PPM1B: variants seen among roughly 807,000 people sequenced by gnomAD.
PPM1B encodes the protein protein phosphatase, Mg2+/Mn2+ dependent 1B, also known as protein phosphatase 1B.
A neutral mutation model predicts 43.0 loss-of-function variants in PPM1B; 22 were observed. The observed-to-expected ratio is 0.51, with a 90% CI of 0.37 to 0.73. The LOEUF (loss-of-function observed/expected upper bound fraction) is 0.73, where lower values mean the gene tolerates loss of function less well. Among genes scored for constraint, PPM1B ranks in the 30% least tolerant of loss-of-function variants. The pLI is 0.00. For missense variants in PPM1B, 632 were observed against 584.2 expected, an observed-to-expected ratio of 1.08 and a Z score of -0.84; for synonymous variants, 217 against 197.9, an observed-to-expected ratio of 1.10 and a Z score of -0.81.
chr2:44,198,165 G>A (rs947132082), intron 1 of PPM1B, among the ~76,000 whole-genome samples: 7 of 151,880 alleles, frequency 4.6e-5, no homozygotes, highest in African/African-American at 1.7e-4. Context: ...ATGATTTTTT[G>A]TTTGTTTGTT....
chr2:44,244,535 CTCTTATGGTTAA>C, downstream of PPM1B: 3 of 366,804 alleles, frequency 8.2e-6, no homozygotes, highest in Non-Finnish European at 1.3e-5. Flanking sequence ...ATTCCAGGGA[CTCTTATGGTTAA>C]AGGCAGGCTT....
chr2:44,186,788 A>G (rs578168747), intron 1 of PPM1B, among the ~76,000 whole-genome samples: 1 of 152,348 alleles, frequency 6.6e-6, no homozygotes, highest in Admixed American at 6.5e-5. Flanking sequence ...AGTTTTGTTG[A>G]TGAGAAGTCT....
At position 44,217,996 on chromosome 2, in the gene PPM1B, A is replaced by G. The variant is rs1669801686; in HGVS notation, c.994A>G (p.Met332Val). ...EIMEKSGEEGMPDLAHVMRIL... is the reference protein window; with the variant it reads ...EIMEKSGEEGVPDLAHVMRIL... ...TATGGAGAAGTCTGGCGAGGAAGGA[A>G]TGCCTGATCTTGCCCATGTCATGCG... Residue 332 changes from methionine to valine, a missense_variant, in exon 4 of 6, where the codon ATG (methionine) becomes GTG (valine). Met to Val is a conservative substitution (Grantham distance 21, BLOSUM62 1). Coordinates refer to ENST00000282412, the MANE Select transcript of PPM1B (RefSeq NM_002706.6). 2 of 1,606,300 alleles carry G rather than the reference A, an allele frequency of 1.2e-6. No homozygotes were observed. Among genetic ancestry groups the G allele is most frequent in the Non-Finnish European group, 1.7e-6 (2 of 1,177,812 alleles).
intron 1 of PPM1B, among the ~76,000 whole-genome samples, chr2:44,197,502 C>CTA (rs1021534376): frequency 8.5e-5 from 13 of 152,136 alleles, no homozygotes; most frequent in Non-Finnish European, 1.5e-4. Context: ...TAACTAAACT[C>CTA]TAGTCTTTGG....
intron 3 of PPM1B, among the ~76,000 whole-genome samples, chr2:44,215,700 C>T (rs1669688558): frequency 6.6e-6 from 1 of 152,100 alleles, no homozygotes; most frequent in Non-Finnish European, 1.5e-5. Context: ...TTAATGATTG[C>T]TTTCTACATA....
At chr2:44,223,814 TAAAAAAAAAAAAA>T (rs58530902) in intron 5 of PPM1B, among the ~76,000 whole-genome samples, 96 of 36,058 alleles carry the variant, frequency 2.7e-3, no homozygotes, top group African/African-American at 8.0e-3. Flanking sequence ...GGACTCTGTC[TAAAAAAAAAAAAA>T]AAAAAAAAAA....
chr2:44,220,430 C>T lies in PPM1B; in HGVS notation c.1134+1893C>T, dbSNP rs116480132. Among the ~76,000 whole-genome samples, 1,090 of 151,950 alleles carry T rather than the reference C, an allele frequency of 7.2e-3. 10 individuals carry two copies. The highest frequency in any genetic ancestry group is 0.012 in the Non-Finnish European group (820 of 67,960). On this transcript the variant is annotated intron_variant, in intron 5 of 5. Coordinates refer to ENST00000282412, the MANE Select transcript of PPM1B (RefSeq NM_002706.6). ...ACATAAACAGGGAATAAATAGGCAA[C>T]GGAACTATGAAACTGGGGGGAAATG...
chr2:44,176,504 G>A (rs114246347), intron 1 of PPM1B, among the ~76,000 whole-genome samples: 1,764 of 152,204 alleles, frequency 0.012, 42 homozygotes, highest in African/African-American at 0.04. Flanking sequence ...TCCTTCCATA[G>A]CTTTGTTGTA....
chr2:44,188,538 A>G (rs867931142), intron 1 of PPM1B, among the ~76,000 whole-genome samples: 1 of 151,416 alleles, frequency 6.6e-6, no homozygotes, highest in Non-Finnish European at 1.5e-5. Flanking sequence ...CTGGGATCAC[A>G]GGCACGCGCC....
intron 1 of PPM1B, among the ~76,000 whole-genome samples, chr2:44,182,342 C>T (rs1245312123): frequency 6.6e-6 from 1 of 152,132 alleles, no homozygotes; most frequent in African/African-American, 2.4e-5. Context: ...TCATCGCCAC[C>T]TCCGCCTCCT....
At chr2:44,177,456 T>C (rs1273180920) in intron 1 of PPM1B, among the ~76,000 whole-genome samples, 2 of 149,120 alleles carry the variant, frequency 1.3e-5, no homozygotes, top group African/African-American at 5.0e-5. Context: ...TTTGCTCTTG[T>C]TGCCCAGGCT....
chr2:44,199,173 G>A lies in PPM1B; in HGVS notation c.-14-2013G>A, dbSNP rs766649277. ...CCCGGGAGGCTGAGGCAGGAGAGTGGTGTGAACCTGGGAGGCGGAGGTTGC... is the reference window on the plus strand; with the variant it reads ...CCCGGGAGGCTGAGGCAGGAGAGTGATGTGAACCTGGGAGGCGGAGGTTGC... On this transcript the variant is annotated intron_variant, in intron 1 of 5. Transcript: ENST00000282412. 4.0e-5 allele frequency among the ~76,000 whole-genome samples: 6 copies of A among 151,542 alleles called. No individual in the cohort carries two copies. In the East Asian group the frequency reaches 1.2e-3, roughly 29 times the overall value.
At chr2:44,214,966 A>T (rs1189690303) in intron 3 of PPM1B, among the ~76,000 whole-genome samples, 1 of 152,220 alleles carries the variant, frequency 6.6e-6, no homozygotes, top group Non-Finnish European at 1.5e-5. Context: ...TAATAGCCAC[A>T]TTTTAATTTC....
intron 3 of PPM1B, among the ~76,000 whole-genome samples, chr2:44,214,022 C>T (rs986036027): frequency 6.6e-6 from 1 of 152,160 alleles, no homozygotes; most frequent in Non-Finnish European, 1.5e-5. Flanking sequence ...ATCCAACTTG[C>T]TTAACCCCTC....
intron 5 of PPM1B, among the ~76,000 whole-genome samples, chr2:44,242,151 C>T (rs895531779): frequency 1.3e-5 from 2 of 152,062 alleles, no homozygotes; most frequent in African/African-American, 4.8e-5. Flanking sequence ...AGCCACCACG[C>T]CTGGCCAGAA....
In PPM1B at chr2:44,200,347, T is replaced by C. The variant is rs145405827; in HGVS notation, c.-14-839T>C. Among the ~76,000 whole-genome samples the C allele has an allele frequency of 3.6e-3, 547 of 152,256 alleles. 3 individuals are homozygous for C. Among genetic ancestry groups the C allele is most frequent in the African/African-American group, 0.012 (507 of 41,544 alleles). On this transcript the variant is annotated intron_variant, in intron 1 of 5. Transcript: ENST00000282412. ...TAAGTCTAATCTAAGTCATTTGAAATTGGGAAAGCTTTATTCTATAAAATA... is the reference window on the plus strand; with the variant it reads ...TAAGTCTAATCTAAGTCATTTGAAACTGGGAAAGCTTTATTCTATAAAATA...
At chr2:44,189,153 T>G (rs1668284039) in intron 1 of PPM1B, among the ~76,000 whole-genome samples, 2 of 152,100 alleles carry the variant, frequency 1.3e-5, no homozygotes, top group South Asian at 4.1e-4. Flanking sequence ...ATTACAGGTG[T>G]GAGCCACCAT....
intron 5 of PPM1B, chr2:44,219,218 A>T: frequency 6.6e-6 from 1 of 150,760 alleles, no homozygotes; most frequent in African/African-American, 2.4e-5. Context: ...TTTTAAATCC[A>T]AGTTAGTTCA....
At chr2:44,177,915 C>CTTT (rs746113686) in intron 1 of PPM1B, among the ~76,000 whole-genome samples, 8 of 106,246 alleles carry the variant, frequency 7.5e-5, no homozygotes, top group Non-Finnish European at 1.2e-4. Flanking sequence ...TAGAACAGTT[C>CTTT]TTTTTTTTTT....
Sources: allele counts gnomAD v4.1 joint callset (sites outside exome capture counted in the v4.1 genomes callset), GRCh38; gene constraint gnomAD v4.1.1; transcripts MANE v1.5; gene names NCBI Gene and HGNC (gene_info 2026-07-23, HGNC 2026-07-21).